GALNT18: variants seen among roughly 807,000 people sequenced by gnomAD.
GALNT18 encodes GalNAc-transferase 18.
In GALNT18, 44 loss-of-function variants were observed where a neutral mutation model predicts 69.5. The ratio of observed to expected loss-of-function variants is 0.63; its 90% CI spans 0.50 to 0.81. The LOEUF is 0.81. Among genes scored for constraint, GALNT18 ranks in the 40% least tolerant of loss-of-function variants. The probability of loss-of-function intolerance (pLI) is 0.00; values close to 1 mark genes in which losing one functional copy is unlikely to be tolerated. For missense variants in GALNT18, 715 were observed against 810.0 expected (o/e 0.88, Z 1.42); for synonymous variants, 364 against 318.2 (o/e 1.14, Z -1.53).
At position 11,500,631 on chromosome 11, in the gene GALNT18, A is replaced by C. The variant is rs1291203229; in HGVS notation, c.236-51695T>G. Among the ~76,000 whole-genome samples, 1 of 152,202 alleles carries C rather than the reference A, an allele frequency of 6.6e-6. No individual in the cohort carries two copies. The highest frequency in any genetic ancestry group is 6.5e-5 in the Admixed American group (1 of 15,286). ...CCCATGACAAAGAAGGATCCAGTGCAAAATGGTGACAGTGCCGAGCTAGAG... is the reference window on the plus strand; with the variant it reads ...CCCATGACAAAGAAGGATCCAGTGCCAAATGGTGACAGTGCCGAGCTAGAG... On this transcript the variant is annotated intron_variant, in intron 1 of 10. Coordinates refer to ENST00000227756, the MANE Select transcript of GALNT18 (RefSeq NM_198516.3). The surrounding 1 kb of genome is among the most constrained non-coding windows in gnomAD (Gnocchi z 5.0).
At chr11:11,527,506 C>T (rs1857548749) in intron 1 of GALNT18, among the ~76,000 whole-genome samples, 1 of 152,190 alleles carries the variant, frequency 6.6e-6, no homozygotes, top group South Asian at 2.1e-4. Context: ...TTCTACAGAA[C>T]TGTAAACAGA....
Position 11,432,489 on chromosome 11 carries a change from A to G in GALNT18, c.595+132T>C, listed in dbSNP as rs1855289597. 6.5e-6 allele frequency: 6 copies of G among 918,282 alleles called. No individual in the cohort carries two copies. Among genetic ancestry groups the G allele is most frequent in the African/African-American group, 1.7e-5 (1 of 60,074 alleles). The allele number at this position is 918,282 out of a possible 1,614,324, so 56.9% of individuals were successfully genotyped here. A position where few individuals can be genotyped will look rare whatever the true frequency, so the allele number is the denominator to read the frequency against. ...CCTTCTGAAGCAGTGGCCACCATGA[A>G]TTTCTCATCTATGCTCCAGAGAAAG... On this transcript the variant is annotated intron_variant, in intron 3 of 10. Coordinates refer to ENST00000227756, the MANE Select transcript of GALNT18 (RefSeq NM_198516.3). This position sits in a 1 kb window ranked among gnomAD's most constrained non-coding sequence, Gnocchi z 5.8.
At position 11,604,636 on chromosome 11, in the gene GALNT18, A is replaced by G. The variant is rs914901809; in HGVS notation, c.235+16723T>C. The stretch of plus-strand genomic sequence containing the variant: ...CAACCAGAATGCAGAGCACCATTTC[A>G]GAGCTTTGAGAAGCTTCCTGGATTT... On this transcript the variant is annotated intron_variant, in intron 1 of 10. Transcript: ENST00000227756. The surrounding 1 kb of genome is among the most constrained non-coding windows in gnomAD (Gnocchi z 5.6). 2.6e-5 allele frequency among the ~76,000 whole-genome samples: 4 copies of G among 152,236 alleles called. No individual in the cohort carries two copies. The East Asian group carries it at 7.7e-4, about 29-fold the overall frequency.
intron 10 of GALNT18, among the ~76,000 whole-genome samples, chr11:11,280,264 C>T (rs189469675): frequency 2.6e-5 from 4 of 152,266 alleles, no homozygotes; most frequent in East Asian, 3.9e-4. Flanking sequence ...CCTGCAGGCT[C>T]GGCCTCTGAA....
At chr11:11,427,875 A>G (rs1217745368) in intron 3 of GALNT18, among the ~76,000 whole-genome samples, 8 of 152,210 alleles carry the variant, frequency 5.3e-5, no homozygotes, top group African/African-American at 1.4e-4. Flanking sequence ...TGCCTCTGTG[A>G]GGCAGACAGG....
chr11:11,591,159 C>CGTGTGTGTGTGTGT lies in GALNT18; in HGVS notation c.235+30186_235+30199dup, dbSNP rs142063535. 9.9e-3 allele frequency among the ~76,000 whole-genome samples: 1,477 copies of CGTGTGTGTGTGTGT among 149,034 alleles called. 28 individuals carry two copies. Among genetic ancestry groups the CGTGTGTGTGTGTGT allele is most frequent in the African/African-American group, 0.035 (1,414 of 40,324 alleles). On this transcript the variant is annotated intron_variant, in intron 1 of 10. Coordinates refer to ENST00000227756, the MANE Select transcript of GALNT18 (RefSeq NM_198516.3). This position sits in a 1 kb window ranked among gnomAD's most constrained non-coding sequence, Gnocchi z 4.8. ...TGCTGACTCTGTAGGCCTAGGCTACCGTGTGTGTGTGTGTGTGTGTGTGTG... is the reference window on the plus strand; with the variant it reads ...TGCTGACTCTGTAGGCCTAGGCTACCGTGTGTGTGTGTGTGTGTGTGTGTGTGTGTGTGTGTGTG...
chr11:11,341,802 C>T lies in GALNT18; in HGVS notation c.1093-798G>A, dbSNP rs1850213168. On this transcript the variant is annotated intron_variant, in intron 6 of 10. Coordinates refer to ENST00000227756, the MANE Select transcript of GALNT18 (RefSeq NM_198516.3). This position sits in a 1 kb window ranked among gnomAD's most constrained non-coding sequence, Gnocchi z 6.3. ...AATGCCCCACTGCCCCCAACTCCTT[C>T]TTCAGCTGAAAAAATTCACCTCTCA... is the stretch of plus-strand genomic sequence containing the variant. Among the ~76,000 whole-genome samples the T allele has an allele frequency of 6.6e-6, 1 of 152,046 alleles. No individual in the cohort carries two copies. Among genetic ancestry groups the T allele is most frequent in the African/African-American group, 2.4e-5 (1 of 41,374 alleles).
intron 6 of GALNT18, among the ~76,000 whole-genome samples, chr11:11,363,390 T>TTGAC (rs1192005557): frequency 1.3e-5 from 2 of 152,192 alleles, no homozygotes; most frequent in Non-Finnish European, 2.9e-5. Flanking sequence ...TAATAGGAAT[T>TTGAC]TGACTGTACA....
chr11:11,271,932 C>G (rs978178454), intron 10 of GALNT18, among the ~76,000 whole-genome samples: 5 of 152,176 alleles, frequency 3.3e-5, no homozygotes, highest in Non-Finnish European at 5.9e-5. Context: ...AAATAGGAAA[C>G]CCCCAATTTT....
rs117488650 is a variant in GALNT18, at chr11:11,339,022, G to A, written c.1278+1797C>T. Reference sequence around the variant, plus strand: ...GGCCTATGTTGACCTTGACAAAGCAGTCTTGATGAAGTATCAGGATATAGC... The same window carrying A: ...GGCCTATGTTGACCTTGACAAAGCAATCTTGATGAAGTATCAGGATATAGC... On this transcript the variant is annotated intron_variant, in intron 7 of 10. Coordinates refer to ENST00000227756, the MANE Select transcript of GALNT18 (RefSeq NM_198516.3). This position sits in a 1 kb window ranked among gnomAD's most constrained non-coding sequence, Gnocchi z 5.2. Among the ~76,000 whole-genome samples, 180 of 152,330 alleles carry A rather than the reference G, an allele frequency of 1.2e-3. 1 individual carries two copies. Among genetic ancestry groups the A allele is most frequent in the Middle Eastern group, 6.8e-3 (2 of 294 alleles).
At chr11:11,306,374 A>G (rs537007038) in intron 9 of GALNT18, among the ~76,000 whole-genome samples, 3 of 151,764 alleles carry the variant, frequency 2.0e-5, no homozygotes, top group African/African-American at 7.2e-5. Flanking sequence ...GTTAAGATCC[A>G]GTAGGAAGAT....
Position 11,562,182 on chromosome 11 carries a change from G to A in GALNT18, c.235+59177C>T, listed in dbSNP as rs1048979822. On this transcript the variant is annotated intron_variant, in intron 1 of 10. Coordinates refer to ENST00000227756, the MANE Select transcript of GALNT18 (RefSeq NM_198516.3). This position sits in a 1 kb window ranked among gnomAD's most constrained non-coding sequence, Gnocchi z 4.1. ...TCACAGTTCTGGGAGCTAGACGTCC[G>A]CAATCAAGGTGCCAGCAAGATTGGT... Among the ~76,000 whole-genome samples, 5 of 152,202 alleles carry A rather than the reference G, an allele frequency of 3.3e-5. No homozygotes were observed. Among genetic ancestry groups the A allele is most frequent in the South Asian group, 2.1e-4 (1 of 4,830 alleles).
intron 2 of GALNT18, among the ~76,000 whole-genome samples, chr11:11,445,800 G>C (rs756505994): frequency 7.9e-5 from 12 of 152,202 alleles, no homozygotes; most frequent in Non-Finnish European, 1.5e-4. Context: ...TGGTGCCACG[G>C]GGGAGGTGTG....
intron 6 of GALNT18, among the ~76,000 whole-genome samples, chr11:11,355,095 C>T (rs1850500931): frequency 2.0e-5 from 3 of 152,192 alleles, no homozygotes; most frequent in African/African-American, 2.4e-5. Flanking sequence ...TCTGCGTTGT[C>T]GTGTTGCCCT....
chr11:11,322,351 T>C (rs1849853517), intron 9 of GALNT18, among the ~76,000 whole-genome samples: 1 of 152,228 alleles, frequency 6.6e-6, no homozygotes, highest in African/African-American at 2.4e-5. Flanking sequence ...GGTAGAGAAC[T>C]GGCAGCCTCT....
intron 6 of GALNT18, among the ~76,000 whole-genome samples, chr11:11,349,334 GT>G (rs1850357863): frequency 6.6e-6 from 1 of 152,114 alleles, no homozygotes; most frequent in Non-Finnish European, 1.5e-5. Flanking sequence ...TGGAGCATAG[GT>G]TATATACACA....
At chr11:11,561,803 G>A (rs896634756) in intron 1 of GALNT18, among the ~76,000 whole-genome samples, 2 of 152,186 alleles carry the variant, frequency 1.3e-5, no homozygotes, top group African/African-American at 4.8e-5. Context: ...CCAACAAGGG[G>A]CAGGCTGCCT....
chr11:11,423,825 T>TC (rs898076733), intron 3 of GALNT18, among the ~76,000 whole-genome samples: 30 of 152,388 alleles, frequency 2.0e-4, no homozygotes, highest in African/African-American at 7.0e-4. Context: ...TGGGTCTGCC[T>TC]CCCTGTTACA....
intron 10 of GALNT18, among the ~76,000 whole-genome samples, chr11:11,272,819 G>C (rs1014902627): frequency 6.6e-6 from 1 of 152,158 alleles, no homozygotes; most frequent in African/African-American, 2.4e-5. Flanking sequence ...CTCACAGTGG[G>C]AAGTGCACTG....
Sources: gnomAD v4.1 joint callset for allele counts (sites outside exome capture counted in the v4.1 genomes callset) on GRCh38, gnomAD v4.1.1 for gene constraint, Gnocchi (gnomAD v3.1) non-coding constraint, MANE v1.5 for transcripts, NCBI Gene and HGNC (gene_info 2026-07-23, HGNC 2026-07-21) for gene names.